The following KCNIP4 variants were observed in gnomAD, a reference collection of about 807,000 sequenced individuals.
KCNIP4 encodes Kv channel-interacting protein 4.
In KCNIP4, 12 loss-of-function variants were observed where a neutral mutation model predicts 34.0. The observed-to-expected ratio is 0.35, with a 90% CI of 0.23 to 0.57. The LOEUF is 0.57. KCNIP4 is among the 20% of genes least tolerant of loss of function. KCNIP4 has a pLI of 0.83. For synonymous variants in KCNIP4, 124 were observed against 102.2 expected, an observed-to-expected ratio of 1.21 and a Z score of -1.29; for missense variants, 238 against 311.7, an observed-to-expected ratio of 0.76 and a Z score of 1.78.
chr4:21,656,176 G>A (rs1347779671), intron 1 of KCNIP4, among the ~76,000 whole-genome samples: 1 of 152,138 alleles, frequency 6.6e-6, no homozygotes, highest in Non-Finnish European at 1.5e-5. Context: ...CTGGTGGTTT[G>A]CTGGCAATCT....
chr4:21,457,033 A>G (rs1243928575), intron 1 of KCNIP4, among the ~76,000 whole-genome samples: 2 of 151,960 alleles, frequency 1.3e-5, no homozygotes, highest in African/African-American at 2.4e-5. Context: ...GCCTTTGCAC[A>G]TATCCTCTTC....
intron 1 of KCNIP4, among the ~76,000 whole-genome samples, chr4:21,923,022 C>T (rs548205378): frequency 7.9e-5 from 12 of 152,274 alleles, no homozygotes; most frequent in East Asian, 7.7e-4. Flanking sequence ...TCATAATGCA[C>T]GGTGACAGAT....
At chr4:21,827,370 G>T (rs1722736359) in intron 1 of KCNIP4, among the ~76,000 whole-genome samples, 1 of 151,990 alleles carries the variant, frequency 6.6e-6, no homozygotes, top group Non-Finnish European at 1.5e-5. Context: ...AATCAATGGA[G>T]TAAAAAATAC....
In KCNIP4 at chr4:21,700,780, G is replaced by A. The variant is rs148387898; in HGVS notation, c.61+247791C>T. Reference sequence around the variant, plus strand: ...TTGAGTTAATATTTTTGTATATGATGTGAGATAAAGGTCCAGTTTCATTCT... The same window carrying A: ...TTGAGTTAATATTTTTGTATATGATATGAGATAAAGGTCCAGTTTCATTCT... On this transcript the variant is annotated intron_variant, in intron 1 of 8. Transcript: ENST00000382152. 5.3e-5 allele frequency among the ~76,000 whole-genome samples: 8 copies of A among 152,140 alleles called. No homozygotes were observed. In the East Asian group the frequency reaches 1.5e-3, roughly 29 times the overall value.
At chr4:21,337,487 A>C (rs930658433) in intron 1 of KCNIP4, among the ~76,000 whole-genome samples, 48 of 152,202 alleles carry the variant, frequency 3.2e-4, no homozygotes, top group Admixed American at 2.0e-4. Flanking sequence ...CTTTGAACAG[A>C]CATGCTCCTT....
chr4:20,859,893 C>T (rs965447271), intron 2 of KCNIP4, among the ~76,000 whole-genome samples: 4 of 152,076 alleles, frequency 2.6e-5, no homozygotes, highest in African/African-American at 9.7e-5. Flanking sequence ...AATAATGTCA[C>T]TTTTTGAGAA....
intron 1 of KCNIP4, among the ~76,000 whole-genome samples, chr4:21,273,572 C>T (rs2322884): frequency 0.25 from 38,115 of 152,024 alleles, 4,988 homozygotes; most frequent in South Asian, 0.35. Flanking sequence ...TTTCCATGAT[C>T]GTTTTACTTT....
chr4:21,399,719 C>T (rs913702147), intron 1 of KCNIP4, among the ~76,000 whole-genome samples: 58 of 151,602 alleles, frequency 3.8e-4, no homozygotes, highest in African/African-American at 1.3e-3. Flanking sequence ...TGCAGTGGCA[C>T]GATCTCGGTT....
At chr4:21,415,861 G>A (rs1299115366) in intron 1 of KCNIP4, among the ~76,000 whole-genome samples, 2 of 152,220 alleles carry the variant, frequency 1.3e-5, no homozygotes, top group African/African-American at 4.8e-5. Context: ...GCTGGAGAGA[G>A]GCTGGAGCAG....
intron 1 of KCNIP4, among the ~76,000 whole-genome samples, chr4:21,182,356 T>C (rs529091357): frequency 2.6e-5 from 4 of 152,248 alleles, no homozygotes; most frequent in African/African-American, 9.6e-5. Flanking sequence ...ACTGACAGCA[T>C]CCTTGCAGTC....
chr4:21,312,921 C>A (rs1258907338), intron 1 of KCNIP4, among the ~76,000 whole-genome samples: 1 of 152,120 alleles, frequency 6.6e-6, no homozygotes, highest in Non-Finnish European at 1.5e-5. Flanking sequence ...TCTTAATAGC[C>A]AAGCTAAGTG....
intron 1 of KCNIP4, among the ~76,000 whole-genome samples, chr4:21,693,653 G>A (rs1240725889): frequency 1.3e-5 from 2 of 152,126 alleles, no homozygotes; most frequent in Non-Finnish European, 2.9e-5. Context: ...TTTTAAGGCT[G>A]GAAACCACTC....
chr4:21,013,948 C>T (rs1739285435), intron 1 of KCNIP4, among the ~76,000 whole-genome samples: 1 of 152,142 alleles, frequency 6.6e-6, no homozygotes, highest in African/African-American at 2.4e-5. Flanking sequence ...TATCCCTTTA[C>T]TTCTCTGAGC....
intron 1 of KCNIP4, among the ~76,000 whole-genome samples, chr4:21,559,430 A>T (rs1185430529): frequency 6.6e-6 from 1 of 152,114 alleles, no homozygotes; most frequent in Admixed American, 6.6e-5. Context: ...AAGTATAAGC[A>T]TTCACCATAT....
chr4:21,377,804 C>A (rs1721100404), intron 1 of KCNIP4, among the ~76,000 whole-genome samples: 1 of 152,164 alleles, frequency 6.6e-6, no homozygotes, highest in Non-Finnish European at 1.5e-5. Context: ...CTGGTCCTAA[C>A]CAGAGTGAGA....
At chr4:21,048,273 T>C (rs1048111149) in intron 1 of KCNIP4, among the ~76,000 whole-genome samples, 2 of 152,162 alleles carry the variant, frequency 1.3e-5, no homozygotes, top group South Asian at 2.1e-4. Context: ...CTCTATCTCC[T>C]TGCTGTGTGA....
chr4:21,786,113 T>G (rs545881858), intron 1 of KCNIP4, among the ~76,000 whole-genome samples: 1 of 152,306 alleles, frequency 6.6e-6, no homozygotes, highest in East Asian at 1.9e-4. Context: ...CACACCCAGC[T>G]AATTTTTGTA....
intron 1 of KCNIP4, among the ~76,000 whole-genome samples, chr4:21,126,998 G>A (rs114864166): frequency 0.015 from 2,226 of 152,256 alleles, 57 homozygotes; most frequent in African/African-American, 0.051. Context: ...GACCTTGAAG[G>A]TCCTGAAATG....
intron 1 of KCNIP4, among the ~76,000 whole-genome samples, chr4:21,905,616 C>G (rs140429033): frequency 1.3e-5 from 2 of 152,010 alleles, no homozygotes; most frequent in Non-Finnish European, 2.9e-5. Flanking sequence ...GACAAAAAAC[C>G]AAACACCGGA....
Sources: gnomAD v4.1 joint callset for allele counts (sites outside exome capture counted in the v4.1 genomes callset) on GRCh38, gnomAD v4.1.1 for gene constraint, MANE v1.5 for transcripts, NCBI Gene and HGNC (gene_info 2026-07-23, HGNC 2026-07-21) for gene names.